BICC1: variants seen among roughly 807,000 people sequenced by gnomAD.
BICC1 encodes protein bicaudal C homolog 1.
In BICC1, 43 loss-of-function variants were observed where a neutral mutation model predicts 111.0. The ratio of observed to expected loss-of-function variants is 0.39; its 90% CI spans 0.30 to 0.50. BICC1 has a LOEUF of 0.50. Among genes scored for constraint, BICC1 ranks in the 20% least tolerant of loss-of-function variants. The pLI is 0.88. For synonymous variants in BICC1, 467 were observed against 434.4 expected, an observed-to-expected ratio of 1.07 and a Z score of -0.93; for missense variants, 1,091 against 1,203.2, an observed-to-expected ratio of 0.91 and a Z score of 1.38.
intron 1 of BICC1, among the ~76,000 whole-genome samples, chr10:58,579,532 C>T (rs555103996): frequency 6.6e-6 from 1 of 152,252 alleles, no homozygotes; most frequent in African/African-American, 2.4e-5. Context: ...TCGGTTTTTC[C>T]TAGCCTCACT....
chr10:58,683,283 T>C (rs2132372561), intron 2 of BICC1, among the ~76,000 whole-genome samples: 1 of 152,360 alleles, frequency 6.6e-6, no homozygotes, highest in East Asian at 1.9e-4. Context: ...TTGGTTACCA[T>C]AGCCTTGTAA....
At chr10:58,691,816 A>G (rs1166835460) in intron 2 of BICC1, among the ~76,000 whole-genome samples, 5 of 152,100 alleles carry the variant, frequency 3.3e-5, no homozygotes, top group South Asian at 2.1e-4. Context: ...TTTTTTCTCC[A>G]TTATCATGCA....
At chr10:58,794,543 C>G (rs1039265290) in intron 9 of BICC1, among the ~76,000 whole-genome samples, 1 of 151,806 alleles carries the variant, frequency 6.6e-6, no homozygotes, top group Non-Finnish European at 1.5e-5. Flanking sequence ...CTCAGCCTCC[C>G]GAGTAGCTGG....
At chr10:58,798,844 G>C (rs575831888) in intron 11 of BICC1, among the ~76,000 whole-genome samples, 1 of 152,262 alleles carries the variant, frequency 6.6e-6, no homozygotes, top group Middle Eastern at 3.4e-3. Context: ...TCTGTACAAT[G>C]AGAGGGTTGG....
chr10:58,595,249 C>T (rs1367081575), intron 1 of BICC1, among the ~76,000 whole-genome samples: 1 of 152,126 alleles, frequency 6.6e-6, no homozygotes, highest in Non-Finnish European at 1.5e-5. Flanking sequence ...GACTTAGACT[C>T]CCACACAATA....
intron 2 of BICC1, among the ~76,000 whole-genome samples, chr10:58,658,034 A>G (rs1006511073): frequency 3.3e-5 from 5 of 151,994 alleles, no homozygotes; most frequent in Middle Eastern, 6.8e-3. Context: ...GGTAACTGTG[A>G]TTACCTAACC....
At chr10:58,585,725 A>G (rs561980254) in intron 1 of BICC1, among the ~76,000 whole-genome samples, 1 of 152,322 alleles carries the variant, frequency 6.6e-6, no homozygotes, top group South Asian at 2.1e-4. Context: ...AAAATGGATT[A>G]TCTCAGATAT....
At chr10:58,551,482 TTGTG>T (rs1410718943) in intron 1 of BICC1, among the ~76,000 whole-genome samples, 5 of 152,204 alleles carry the variant, frequency 3.3e-5, no homozygotes, top group African/African-American at 1.2e-4. Context: ...TACTTAATTT[TTGTG>T]TGTGTGGTGA....
At chr10:58,524,624 G>C (rs1842480738) in intron 1 of BICC1, among the ~76,000 whole-genome samples, 2 of 151,966 alleles carry the variant, frequency 1.3e-5, no homozygotes, top group African/African-American at 2.4e-5. Flanking sequence ...GAAAACCTAG[G>C]CATTACCATT....
chr10:58,765,555 G>A (rs1842433772), intron 3 of BICC1, among the ~76,000 whole-genome samples: 1 of 152,170 alleles, frequency 6.6e-6, no homozygotes, highest in African/African-American at 2.4e-5. Context: ...TAATAAGGTT[G>A]TACGTGATAA....
intron 18 of BICC1, among the ~76,000 whole-genome samples, chr10:58,817,258 C>T (rs1844122638): frequency 6.6e-6 from 1 of 152,108 alleles, no homozygotes; most frequent in Admixed American, 6.6e-5. Context: ...CAATTTTAAA[C>T]AACAAATGCT....
At chr10:58,798,208 G>T (rs927797899) in intron 10 of BICC1, among the ~76,000 whole-genome samples, 191 bp from the exon 11 acceptor site, 1 of 152,116 alleles carries the variant, frequency 6.6e-6, no homozygotes, top group Non-Finnish European at 1.5e-5. Context: ...TTGTGGATAA[G>T]CTGCTTCCTC....
In BICC1 at chr10:58,781,143, G is replaced by T. The variant is rs547734221; in HGVS notation, c.308-3858G>T. Reference sequence around the variant, plus strand: ...GGATGTGAGCAGACGGGTAGGACAGGAATCTAAAAACCAAAAATTGAGATG... The same window carrying T: ...GGATGTGAGCAGACGGGTAGGACAGTAATCTAAAAACCAAAAATTGAGATG... On this transcript the variant is annotated intron_variant, in intron 3 of 20. Coordinates refer to ENST00000373886, the MANE Select transcript of BICC1 (RefSeq NM_001080512.3). Among the ~76,000 whole-genome samples, 4 of 152,270 alleles carry T rather than the reference G, an allele frequency of 2.6e-5. No individual in the cohort carries two copies. The South Asian group carries it at 6.2e-4, about 24-fold the overall frequency.
At chr10:58,712,338 C>T (rs879930461) in intron 3 of BICC1, among the ~76,000 whole-genome samples, 1 of 152,188 alleles carries the variant, frequency 6.6e-6, no homozygotes, top group African/African-American at 2.4e-5. Context: ...ATGCAGCTGT[C>T]TCTCTCCTTG....
At position 58,619,433 on chromosome 10, in the gene BICC1, C is replaced by T. The variant is rs376822885; in HGVS notation, c.191-1422C>T. Among the ~76,000 whole-genome samples the T allele has an allele frequency of 8.7e-5, 13 of 150,090 alleles. No homozygotes were observed. The East Asian group carries it at 2.5e-3, about 29-fold the overall frequency. The stretch of plus-strand genomic sequence containing the variant: ...AGTTGGTGAAAAAAGAATGTAAATA[C>T]TTGTTATTTCTTTGAGGGCAGAGAG... On this transcript the variant is annotated intron_variant, in intron 1 of 20. Coordinates refer to ENST00000373886, the MANE Select transcript of BICC1 (RefSeq NM_001080512.3).
At position 58,799,210 on chromosome 10, in the gene BICC1, C is replaced by T. The variant is rs759360594; in HGVS notation, c.1683C>T (p.Thr561=). The change falls in exon 12 of 21, where the codon ACC becomes ACT. Residue 561 remains threonine (T), a synonymous_variant. Coordinates refer to ENST00000373886, the MANE Select transcript of BICC1 (RefSeq NM_001080512.3). The part of the protein sequence containing the change: ...PVDVHINSMQ[T]EGKKISAALN... ...ATGTCCATATCAACAGTATGCAGACCGAAGGCAAAAAAATCTCTGCTGCTT... is the reference window on the plus strand; with the variant it reads ...ATGTCCATATCAACAGTATGCAGACTGAAGGCAAAAAAATCTCTGCTGCTT... The T allele has an allele frequency of 1.4e-5, 22 of 1,612,306 alleles. No individual in the cohort carries two copies. The South Asian group carries it at 2.0e-4, about 15-fold the overall frequency.
chr10:58,582,899 C>T (rs1357149143), intron 1 of BICC1, among the ~76,000 whole-genome samples: 2 of 152,184 alleles, frequency 1.3e-5, no homozygotes, highest in Non-Finnish European at 2.9e-5. Context: ...TTTAGGCCAG[C>T]TGCTTAGCAA....
intron 4 of BICC1, among the ~76,000 whole-genome samples, chr10:58,785,292 A>G (rs1196048453): frequency 6.6e-6 from 1 of 152,140 alleles, no homozygotes; most frequent in Non-Finnish European, 1.5e-5. Flanking sequence ...ATACATACAC[A>G]CACACACACC....
intron 1 of BICC1, among the ~76,000 whole-genome samples, chr10:58,558,209 A>G (rs865818743): frequency 6.6e-6 from 1 of 152,240 alleles, no homozygotes; most frequent in Middle Eastern, 3.4e-3. Context: ...TTGGTTCTCT[A>G]GTAGTTTACT....
Sources: gnomAD v4.1 joint callset for allele counts (sites outside exome capture counted in the v4.1 genomes callset) on GRCh38, gnomAD v4.1.1 for gene constraint, MANE v1.5 for transcripts, NCBI Gene and HGNC (gene_info 2026-07-23, HGNC 2026-07-21) for gene names.